TLN2: variants seen among roughly 807,000 people sequenced by gnomAD.
The protein encoded by TLN2 is talin 2.
A neutral mutation model predicts 294.7 loss-of-function variants in TLN2; 118 were observed. The ratio of observed to expected loss-of-function variants is 0.40; its 90% CI spans 0.34 to 0.47. The LOEUF is 0.47. Ranked by LOEUF, TLN2 falls within the 20% of genes least tolerant of loss-of-function variation. TLN2 has a pLI of 0.84. For missense variants in TLN2, 3,083 were observed against 3,282.2 expected (o/e 0.94, Z 1.48); for synonymous variants, 1,431 against 1,304.5 (o/e 1.10, Z -2.09).
intron 40 of TLN2, among the ~76,000 whole-genome samples, chr15:62,765,020 C>A (rs1376001597): frequency 6.8e-6 from 1 of 147,210 alleles, no homozygotes; most frequent in Non-Finnish European, 1.5e-5. Context: ...ACCCCAGAAG[C>A]CCCCCTCATC....
intron 1 of TLN2, among the ~76,000 whole-genome samples, chr15:62,432,834 G>GTGA (rs2140292286): frequency 6.6e-6 from 1 of 152,190 alleles, no homozygotes; most frequent in East Asian, 1.9e-4. Context: ...TACGCCTCTT[G>GTGA]TGAAACATGC....
intron 48 of TLN2, 93 bp from the exon 49 acceptor site, chr15:62,800,275 C>T (rs953784072): frequency 9.8e-6 from 15 of 1,534,234 alleles, no homozygotes; most frequent in East Asian, 2.3e-5. Flanking sequence ...TCTCCTCCCC[C>T]GTGCCCTGGC....
chr15:62,770,530 A>T (rs1440215456), intron 41 of TLN2, among the ~76,000 whole-genome samples: 1 of 152,168 alleles, frequency 6.6e-6, no homozygotes, highest in African/African-American at 2.4e-5. Context: ...GGCAGTTGGG[A>T]TTGGCTTCCT....
intron 1 of TLN2, among the ~76,000 whole-genome samples, chr15:62,529,606 A>G (rs940431323): frequency 2.6e-5 from 4 of 151,028 alleles, no homozygotes; most frequent in Admixed American, 1.3e-4. Flanking sequence ...AGGGTGGATA[A>G]GTAGGGAAAA....
chr15:62,721,667 A>G (rs1040929540), intron 25 of TLN2, among the ~76,000 whole-genome samples: 1 of 152,190 alleles, frequency 6.6e-6, no homozygotes, highest in Admixed American at 6.5e-5. Context: ...AAATTTATAC[A>G]AAGAAAATTA....
chr15:62,472,062 A>T (rs556995640), intron 1 of TLN2, among the ~76,000 whole-genome samples: 2 of 152,150 alleles, frequency 1.3e-5, no homozygotes, highest in South Asian at 4.2e-4. Context: ...TTAGATGCTC[A>T]CCTGATTTCC....
At chr15:62,528,112 T>C (rs1596021787) in intron 1 of TLN2, among the ~76,000 whole-genome samples, 1 of 152,234 alleles carries the variant, frequency 6.6e-6, no homozygotes. Context: ...TATTTTTATA[T>C]AGTTTACATT....
chr15:62,673,309 G>GTTTTTTT (rs1379480852), intron 9 of TLN2, among the ~76,000 whole-genome samples: 1 of 6,232 alleles, frequency 1.6e-4, no homozygotes, highest in African/African-American at 2.1e-4. Flanking sequence ...TTTAGATGTT[G>GTTTTTTT]CTTTTTTTTT....
At chr15:62,524,009 C>T (rs2040602862) in intron 1 of TLN2, among the ~76,000 whole-genome samples, 1 of 152,240 alleles carries the variant, frequency 6.6e-6, no homozygotes, top group African/African-American at 2.4e-5. Flanking sequence ...GTATTAGATG[C>T]TGCTCCTATG....
intron 2 of TLN2, among the ~76,000 whole-genome samples, chr15:62,604,385 A>G (rs1393164046): frequency 6.6e-6 from 1 of 151,798 alleles, no homozygotes; most frequent in Non-Finnish European, 1.5e-5. Context: ...ACCACACACA[A>G]ATTAGCTGGG....
At chr15:62,645,768 A>G (rs2140928830) in intron 3 of TLN2, among the ~76,000 whole-genome samples, 1 of 152,244 alleles carries the variant, frequency 6.6e-6, no homozygotes, top group South Asian at 2.1e-4. Context: ...AAAACACAAG[A>G]AAGAGAGTGA....
intron 1 of TLN2, chr15:62,561,352 T>A (rs926411301): frequency 3.3e-5 from 5 of 152,244 alleles, no homozygotes; most frequent in Non-Finnish European, 7.3e-5. Context: ...AGGCCCCTCC[T>A]CAGCGGGTGT....
rs558432063 is a variant in TLN2, at chr15:62,746,958, G to A, written c.4026-1393G>A. ...TTTAAGACTTAGTGTAAAGCTAGTC[G>A]TTAAGACAGCGTGGTATCGACAAAA... On this transcript the variant is annotated intron_variant, in intron 32 of 58. Coordinates refer to ENST00000636159, the MANE Select transcript of TLN2 (RefSeq NM_015059.3). Among the ~76,000 whole-genome samples, 15 of 152,232 alleles carry A rather than the reference G, an allele frequency of 9.9e-5. No individual in the cohort carries two copies. The South Asian group carries it at 2.5e-3, about 25-fold the overall frequency.
intron 1 of TLN2, among the ~76,000 whole-genome samples, chr15:62,505,653 T>C (rs2039576950): frequency 6.6e-6 from 1 of 152,142 alleles, no homozygotes; most frequent in Non-Finnish European, 1.5e-5. Context: ...CGCACAAATA[T>C]GTTAGGTAAA....
intron 40 of TLN2, among the ~76,000 whole-genome samples, 160 bp downstream of exon 40, chr15:62,763,855 T>A (rs1204531993): frequency 2.6e-5 from 4 of 152,088 alleles, no homozygotes; most frequent in Non-Finnish European, 5.9e-5. Flanking sequence ...TGGGAACTTT[T>A]TGGAGAGGGT....
Position 62,722,004 on chromosome 15 carries a change from G to A in TLN2, c.2992-349G>A, listed in dbSNP as rs191235360. Among the ~76,000 whole-genome samples the A allele has an allele frequency of 5.3e-5, 8 of 152,268 alleles. No individual in the cohort carries two copies. The East Asian group carries it at 7.7e-4, about 15-fold the overall frequency. On this transcript the variant is annotated intron_variant, in intron 25 of 58. Transcript: ENST00000636159. ...TTTCTAAGCAGTCTTTTGAGTGTAC[G>A]TGAGACTCAGAATAAAGAGCTATTC...
At chr15:62,458,654 G>A (rs563928207) in intron 1 of TLN2, among the ~76,000 whole-genome samples, 1 of 151,156 alleles carries the variant, frequency 6.6e-6, no homozygotes, top group Admixed American at 6.6e-5. Context: ...CTATAGTCCC[G>A]GCTGCTTTGG....
rs980195598 is a variant in TLN2, at chr15:62,693,029, C to T, written c.1215+88C>T. On this transcript the variant is annotated intron_variant, in intron 13 of 58. Coordinates refer to ENST00000636159, the MANE Select transcript of TLN2 (RefSeq NM_015059.3). Reference sequence around the variant, plus strand: ...GACGTGGCTACCTTGAAAAAAAAATCCTCTTAAATAATACTTGAGGCCAGG... The same window carrying T: ...GACGTGGCTACCTTGAAAAAAAAATTCTCTTAAATAATACTTGAGGCCAGG... 4.3e-5 allele frequency: 50 copies of T among 1,156,240 alleles called. 1 individual carries two copies. The East Asian group carries it at 4.8e-4, about 11-fold the overall frequency. 71.6% of individuals were successfully genotyped at this position (1,156,240 alleles called of 1,614,324 possible).
intron 54 of TLN2, among the ~76,000 whole-genome samples, chr15:62,825,867 T>TAATATATA (rs1312943478): frequency 1.6e-4 from 16 of 98,556 alleles, no homozygotes; most frequent in African/African-American, 5.0e-4. Context: ...TATATATATA[T>TAATATATA]TTATATATAT....
Sources: gnomAD v4.1 joint callset for allele counts (sites outside exome capture counted in the v4.1 genomes callset) on GRCh38, gnomAD v4.1.1 for gene constraint, MANE v1.5 for transcripts, NCBI Gene and HGNC (gene_info 2026-07-23, HGNC 2026-07-21) for gene names.